The following MICAL2 variants were observed in gnomAD, a reference collection of about 807,000 sequenced individuals.
The protein encoded by MICAL2 is microtubule associated monooxygenase, calponin and LIM domain containing 2, also known as [F-actin]-monooxygenase MICAL2.
In MICAL2, 77 loss-of-function variants were observed where a neutral mutation model predicts 127.3. That is an observed-to-expected ratio of 0.60 (90% confidence interval 0.50 to 0.73). MICAL2 has a LOEUF of 0.73. MICAL2 is among the 30% of genes least tolerant of loss of function. MICAL2 has a pLI of 0.00. For missense variants in MICAL2, 1,351 were observed against 1,434.4 expected (o/e 0.94, Z 0.94); for synonymous variants, 570 against 551.1 (o/e 1.03, Z -0.48).
At chr11:12,300,066 G>A (rs1382242931) in intron 29 of MICAL2, among the ~76,000 whole-genome samples, 3 of 152,032 alleles carry the variant, frequency 2.0e-5, no homozygotes, top group Admixed American at 6.6e-5. Context: ...AAGCAGAGGC[G>A]GGTGGATTAC....
chr11:12,232,793 G>A (rs1325828605), intron 15 of MICAL2, among the ~76,000 whole-genome samples: 1 of 152,218 alleles, frequency 6.6e-6, no homozygotes, highest in Non-Finnish European at 1.5e-5. Context: ...TACTTGTACA[G>A]TAGTGCCCTC....
chr11:12,308,448 GT>G (rs1230358082), intron 29 of MICAL2, among the ~76,000 whole-genome samples: 3 of 151,928 alleles, frequency 2.0e-5, no homozygotes, highest in Admixed American at 1.3e-4. Flanking sequence ...ATTTAGAATG[GT>G]TTTTTTAGTT....
intron 3 of MICAL2, among the ~76,000 whole-genome samples, chr11:12,190,539 C>T (rs1233073364): frequency 3.3e-5 from 5 of 152,180 alleles, no homozygotes; most frequent in Admixed American, 3.3e-4. Context: ...TTCCTTTTCT[C>T]CCCTGACCCC....
intron 25 of MICAL2, among the ~76,000 whole-genome samples, chr11:12,259,477 C>T (rs1254957044): frequency 6.6e-6 from 1 of 152,182 alleles, no homozygotes; most frequent in Admixed American, 6.5e-5. Flanking sequence ...TTTTATCTTA[C>T]AAATGTTTTT....
intron 22 of MICAL2, chr11:12,253,203 C>G (rs556678791): frequency 7.2e-5 from 11 of 152,518 alleles, no homozygotes; most frequent in African/African-American, 2.6e-4. Context: ...TCTTTGACAC[C>G]TTGGTGGGGG....
chr11:12,271,621 G>A (rs1177164333), upstream of MICAL2, among the ~76,000 whole-genome samples: 2 of 152,162 alleles, frequency 1.3e-5, no homozygotes, highest in Non-Finnish European at 2.9e-5. Flanking sequence ...ATGGGCACTC[G>A]ATGAGTCAGT....
At chr11:12,223,369 T>G in intron 11 of MICAL2, 42 bp from the exon 12 acceptor site, 1 of 1,568,430 alleles carries the variant, frequency 6.4e-7, no homozygotes, top group Non-Finnish European at 8.8e-7. Context: ...GACTAGGATT[T>G]GGGGGAAAAC....
At chr11:12,224,593 G>C in intron 12 of MICAL2, 80 bp from the exon 13 acceptor site, 1 of 1,547,428 alleles carries the variant, frequency 6.5e-7, no homozygotes, top group Non-Finnish European at 8.8e-7. Context: ...CCCAGCCATG[G>C]TGGCAATGAG....
chr11:12,165,287 A>G (rs1482740708), intron 3 of MICAL2, among the ~76,000 whole-genome samples: 5 of 152,222 alleles, frequency 3.3e-5, no homozygotes, highest in Admixed American at 2.6e-4. Context: ...GTTAATGGCC[A>G]GCTCCATGAG....
At chr11:12,304,563 A>G (rs1267083373) in intron 29 of MICAL2, among the ~76,000 whole-genome samples, 1 of 151,984 alleles carries the variant, frequency 6.6e-6, no homozygotes, top group African/African-American at 2.4e-5. Context: ...TGAACTTGGG[A>G]GACTGAGGTT....
At chr11:12,257,754 AC>A (rs1168909651) in intron 24 of MICAL2, among the ~76,000 whole-genome samples, 42 of 152,330 alleles carry the variant, frequency 2.8e-4, no homozygotes, top group African/African-American at 9.9e-4. Context: ...TGCCTGGCAT[AC>A]AGTCATTCCT....
chr11:12,162,431 C>A lies in MICAL2; in HGVS notation c.264+12C>A, dbSNP rs1166244668. On this transcript the variant is annotated intron_variant, in intron 3 of 27. Transcript: ENST00000683283. ...GCACGAACACCAAGGTAAGGGGAAACCCTCCTAGTCTTACCTTTGCAGGGC... is the reference window on the plus strand; with the variant it reads ...GCACGAACACCAAGGTAAGGGGAAAACCTCCTAGTCTTACCTTTGCAGGGC... The A allele has an allele frequency of 1.2e-6, 2 of 1,613,158 alleles. No individual in the cohort carries two copies. Among genetic ancestry groups the A allele is most frequent in the Non-Finnish European group, 1.7e-6 (2 of 1,179,400 alleles).
At chr11:12,125,026 A>T (rs1198686353) in intron 1 of MICAL2, among the ~76,000 whole-genome samples, 1 of 152,206 alleles carries the variant, frequency 6.6e-6, no homozygotes, top group African/African-American at 2.4e-5. Context: ...CTAGATGATG[A>T]AACTCTCTGC....
At chr11:12,156,512 G>A (rs905041114) in intron 2 of MICAL2, among the ~76,000 whole-genome samples, 1 of 152,216 alleles carries the variant, frequency 6.6e-6, no homozygotes, top group Non-Finnish European at 1.5e-5. Flanking sequence ...TTGTGGAAGT[G>A]ACCGAGGCCA....
At chr11:12,315,836 C>A (rs1590734568) in intron 29 of MICAL2, among the ~76,000 whole-genome samples, 1 of 152,262 alleles carries the variant, frequency 6.6e-6, no homozygotes, top group South Asian at 2.1e-4. Flanking sequence ...GTTAATACCC[C>A]TTAGCTATAA....
At chr11:12,223,000 A>G (rs1333331624) in intron 11 of MICAL2, among the ~76,000 whole-genome samples, 4 of 152,218 alleles carry the variant, frequency 2.6e-5, no homozygotes, top group East Asian at 1.9e-4. Context: ...GTCACTATGC[A>G]TATGCATTGC....
At chr11:12,243,667 C>T (rs866485063) in intron 20 of MICAL2, among the ~76,000 whole-genome samples, 16 of 152,384 alleles carry the variant, frequency 1.0e-4, no homozygotes, top group Middle Eastern at 3.4e-3. Context: ...GCAGCTGCTA[C>T]TTCATACCAA....
chr11:12,347,525 G>A (rs768208219), intron 32 of MICAL2, among the ~76,000 whole-genome samples: 2 of 152,072 alleles, frequency 1.3e-5, no homozygotes, highest in Non-Finnish European at 2.9e-5. Flanking sequence ...GCCAAGCTCT[G>A]CATTCTAGCA....
At chr11:12,324,189 G>C in intron 31 of MICAL2, 1 of 1,232,972 alleles carries the variant, frequency 8.1e-7, no homozygotes, top group Non-Finnish European at 1.1e-6. Context: ...AGAAAGGTCA[G>C]TCTTGTTCTC....
Sources: allele counts gnomAD v4.1 joint callset (sites outside exome capture counted in the v4.1 genomes callset), GRCh38; gene constraint gnomAD v4.1.1; transcripts MANE v1.5; gene names NCBI Gene and HGNC (gene_info 2026-07-23, HGNC 2026-07-21).